DHRSX: variants seen among roughly 807,000 people sequenced by gnomAD.
DHRSX encodes dehydrogenase/reductase X-linked.
In DHRSX, 31 loss-of-function variants were observed where a neutral mutation model predicts 34.0. The ratio of observed to expected loss-of-function variants is 0.91; its 90% CI spans 0.69 to 1.23. The LOEUF (loss-of-function observed/expected upper bound fraction) is 1.23, where lower values mean the gene tolerates loss of function less well. DHRSX is among the 50% of genes most tolerant of loss of function. DHRSX has a pLI of 0.00. For synonymous variants in DHRSX, 201 were observed against 183.8 expected, an observed-to-expected ratio of 1.09 and a Z score of -0.76; for missense variants, 414 against 428.1, an observed-to-expected ratio of 0.97 and a Z score of 0.29.
rs995271535 is a variant in DHRSX, at chrX:2,393,175, C to G, written c.286+15570G>C. 2.7e-4 allele frequency among the ~76,000 whole-genome samples: 40 copies of G among 148,048 alleles called. 2 individuals are homozygous for G. Among genetic ancestry groups the G allele is most frequent in the Admixed American group, 2.1e-3 (31 of 14,802 alleles). On this transcript the variant is annotated intron_variant, in intron 3 of 6. Coordinates refer to ENST00000334651, the MANE Select transcript of DHRSX (RefSeq NM_145177.3). ...ATAAATATATAGTAAGTATATAAAC[C>G]TAAAATATTAATATAGATCAAATAT... is the stretch of plus-strand genomic sequence containing the variant.
At chrX:2,386,012 A>G (rs1401813400) in intron 3 of DHRSX, among the ~76,000 whole-genome samples, 1 of 152,122 alleles carries the variant, frequency 6.6e-6, no homozygotes, top group Non-Finnish European at 1.5e-5. Flanking sequence ...ACAGGCAATA[A>G]GTAAATGAAT....
intron 1 of DHRSX, among the ~76,000 whole-genome samples, chrX:2,456,798 G>T (rs1342111679): frequency 2.0e-5 from 3 of 151,970 alleles, no homozygotes; most frequent in African/African-American, 7.3e-5. Context: ...TGGGATGGGG[G>T]CATCTCCAGA....
In DHRSX at chrX:2,489,833, T is replaced by C. The variant is rs145894704; in HGVS notation, c.109+10984A>G. 4.3e-5 allele frequency: 69 copies of C among 1,613,680 alleles called. No individual in the cohort carries two copies. The African/African-American group carries it at 7.2e-4, about 17-fold the overall frequency. ...CTGGAAGGCCTGCTGGATGCCGGCA[T>C]TGAAGGTGTGGCCCAGGCAGGGCAT... On this transcript the variant is annotated intron_variant, in intron 1 of 6. Coordinates refer to ENST00000334651, the MANE Select transcript of DHRSX (RefSeq NM_145177.3).
intron 3 of DHRSX, among the ~76,000 whole-genome samples, chrX:2,398,819 G>A (rs1306838915): frequency 7.3e-5 from 11 of 151,630 alleles, no homozygotes; most frequent in East Asian, 1.9e-4. Flanking sequence ...ACAGGCATGC[G>A]CCACCATGCC....
chrX:2,497,212 T>C (rs1053224329), intron 1 of DHRSX, among the ~76,000 whole-genome samples: 2 of 152,066 alleles, frequency 1.3e-5, no homozygotes, highest in Admixed American at 6.6e-5. Flanking sequence ...CTGACCAACA[T>C]GGAGAAACCC....
intron 3 of DHRSX, among the ~76,000 whole-genome samples, chrX:2,329,550 C>G (rs1398997933): frequency 7.2e-5 from 11 of 152,088 alleles, no homozygotes; most frequent in Non-Finnish European, 1.6e-4. Flanking sequence ...GCAACCCTAA[C>G]CTTTCTGAAA....
chrX:2,387,662 G>A (rs1214792147), intron 3 of DHRSX, among the ~76,000 whole-genome samples: 1 of 151,942 alleles, frequency 6.6e-6, no homozygotes, highest in Non-Finnish European at 1.5e-5. Flanking sequence ...AAATGTTAAT[G>A]TCCTTTGGCA....
At chrX:2,267,695 C>T (rs1199123404) in intron 4 of DHRSX, among the ~76,000 whole-genome samples, 1 of 151,956 alleles carries the variant, frequency 6.6e-6, no homozygotes, top group African/African-American at 2.4e-5. Flanking sequence ...ACATGTAATC[C>T]CAGCCTTTGG....
intron 3 of DHRSX, among the ~76,000 whole-genome samples, chrX:2,308,677 C>T (rs372077773): frequency 3.8e-4 from 58 of 150,722 alleles, no homozygotes; most frequent in African/African-American, 1.4e-3. Context: ...CAGAATAACA[C>T]AATATCCAAG....
chrX:2,417,369 T>C (rs1430551141), intron 2 of DHRSX, among the ~76,000 whole-genome samples: 1 of 152,152 alleles, frequency 6.6e-6, no homozygotes, highest in Non-Finnish European at 1.5e-5. Context: ...AAACCACACA[T>C]CATCATGATC....
At chrX:2,309,643 G>A (rs2042140638) in intron 3 of DHRSX, among the ~76,000 whole-genome samples, 2 of 152,148 alleles carry the variant, frequency 1.3e-5, no homozygotes, top group Non-Finnish European at 2.9e-5. Context: ...CAGGTGTGGT[G>A]GCTCACCCTG....
At chrX:2,244,544 A>G (rs1419111375) in intron 5 of DHRSX, among the ~76,000 whole-genome samples, 1 of 152,152 alleles carries the variant, frequency 6.6e-6, no homozygotes, top group African/African-American at 2.4e-5. Flanking sequence ...GTTCTTTTCA[A>G]TAAGACAAGG....
intron 1 of DHRSX, among the ~76,000 whole-genome samples, chrX:2,466,671 C>CT (rs2044501143): frequency 6.6e-6 from 1 of 152,074 alleles, no homozygotes; most frequent in Admixed American, 6.6e-5. Flanking sequence ...GAAAAACTAC[C>CT]TATCAGGTGG....
At chrX:2,286,621 G>A (rs1296868091) in intron 4 of DHRSX, among the ~76,000 whole-genome samples, 2 of 151,984 alleles carry the variant, frequency 1.3e-5, no homozygotes, top group African/African-American at 4.8e-5. Context: ...GTGGGCAATG[G>A]GTATTCAACA....
At chrX:2,399,286 A>C (rs1281991489) in intron 3 of DHRSX, among the ~76,000 whole-genome samples, 1 of 152,020 alleles carries the variant, frequency 6.6e-6, no homozygotes, top group African/African-American at 2.4e-5. Context: ...GCATGAGTCT[A>C]TCTGTTTATC....
chrX:2,468,833 G>A (rs758304306), intron 1 of DHRSX, among the ~76,000 whole-genome samples: 7 of 151,420 alleles, frequency 4.6e-5, no homozygotes, highest in Admixed American at 2.6e-4. Context: ...CACTGAAGAC[G>A]TTCCCTAAGC....
At chrX:2,252,544 G>A (rs1338834983) in intron 5 of DHRSX, among the ~76,000 whole-genome samples, 2 of 152,150 alleles carry the variant, frequency 1.3e-5, no homozygotes, top group African/African-American at 4.8e-5. Flanking sequence ...TGGGTAAGAG[G>A]AATGGTTACT....
intron 3 of DHRSX, among the ~76,000 whole-genome samples, chrX:2,323,196 C>T (rs1285458722): frequency 6.6e-6 from 1 of 152,160 alleles, no homozygotes; most frequent in South Asian, 2.1e-4. Flanking sequence ...CAACAAGCAC[C>T]TGGAAGGCAG....
intron 1 of DHRSX, among the ~76,000 whole-genome samples, chrX:2,490,983 T>G (rs771396912): frequency 6.6e-6 from 1 of 151,988 alleles, no homozygotes; most frequent in East Asian, 1.9e-4. Flanking sequence ...TTAATCCGAC[T>G]GCAGCGATGC....
Sources: gnomAD v4.1 joint callset for allele counts (sites outside exome capture counted in the v4.1 genomes callset) on GRCh38, gnomAD v4.1.1 for gene constraint, MANE v1.5 for transcripts, NCBI Gene and HGNC (gene_info 2026-07-23, HGNC 2026-07-21) for gene names.